FHIP1A: variants seen among roughly 807,000 people sequenced by gnomAD.
The protein encoded by FHIP1A is FHF complex subunit HOOK interacting protein 1A, also known as FHF complex subunit HOOK-interacting protein 1A.
In FHIP1A, 61 loss-of-function variants were observed where a neutral mutation model predicts 88.6. The ratio of observed to expected loss-of-function variants is 0.69; its 90% CI spans 0.56 to 0.85. The LOEUF is 0.85. Ranked by LOEUF, FHIP1A falls within the 40% of genes least tolerant of loss-of-function variation. The pLI is 0.00. For missense variants in FHIP1A, 1,154 were observed against 1,273.5 expected (o/e 0.91, Z 1.43); for synonymous variants, 478 against 496.0 (o/e 0.96, Z 0.48).
chr4:151,660,194 C>T (rs962473216), intron 13 of FHIP1A, among the ~76,000 whole-genome samples: 2 of 152,188 alleles, frequency 1.3e-5, no homozygotes, highest in South Asian at 2.1e-4. Flanking sequence ...GAGGGGAGCC[C>T]GGGTCAATGT....
chr4:151,413,132 G>T (rs761828566), intron 1 of FHIP1A, among the ~76,000 whole-genome samples: 1 of 152,230 alleles, frequency 6.6e-6, no homozygotes, highest in African/African-American at 2.4e-5. Context: ...CAGTATAGCT[G>T]TGCAATAAAA....
intron 1 of FHIP1A, among the ~76,000 whole-genome samples, chr4:151,449,931 A>T (rs977095330): frequency 2.6e-5 from 4 of 152,076 alleles, no homozygotes; most frequent in South Asian, 2.1e-4. Flanking sequence ...ATAGATTTGC[A>T]TGTTCCTTTT....
intron 3 of FHIP1A, among the ~76,000 whole-genome samples, chr4:151,497,684 G>A (rs1702689151): frequency 6.6e-6 from 1 of 152,298 alleles, no homozygotes; most frequent in South Asian, 2.1e-4. Context: ...AGAAGCCAGA[G>A]ATGCTGCTGA....
chr4:151,428,202 A>T (rs1247376034), intron 1 of FHIP1A, among the ~76,000 whole-genome samples: 1 of 152,160 alleles, frequency 6.6e-6, no homozygotes, highest in African/African-American at 2.4e-5. Context: ...ATAAAATGAG[A>T]TACATCTTGA....
intron 7 of FHIP1A, among the ~76,000 whole-genome samples, chr4:151,611,593 C>T (rs1249906239): frequency 1.3e-5 from 2 of 152,214 alleles, no homozygotes; most frequent in East Asian, 3.8e-4. Context: ...AACTTTCTGA[C>T]TAAGCATGTG....
At chr4:151,519,091 G>T (rs1394716113) in intron 3 of FHIP1A, among the ~76,000 whole-genome samples, 1 of 152,028 alleles carries the variant, frequency 6.6e-6, no homozygotes, top group Non-Finnish European at 1.5e-5. Flanking sequence ...TACAAAATTT[G>T]TACTCAAATG....
chr4:151,630,865 G>A (rs1417970303), intron 8 of FHIP1A, among the ~76,000 whole-genome samples: 4 of 152,154 alleles, frequency 2.6e-5, no homozygotes, highest in East Asian at 1.9e-4. Context: ...AGAAATTTGG[G>A]AAATTCACAA....
In FHIP1A at chr4:151,530,295, A is replaced by G. The variant is rs182128298; in HGVS notation, c.-122-35843A>G. ...GGTTGTTTTCCTCCTTTAGGGTTTTATGGTTGCCCTCAAGCACATGGAGGC... is the reference window on the plus strand; with the variant it reads ...GGTTGTTTTCCTCCTTTAGGGTTTTGTGGTTGCCCTCAAGCACATGGAGGC... On this transcript the variant is annotated intron_variant, in intron 3 of 13. Coordinates refer to ENST00000435205, the MANE Select transcript of FHIP1A (RefSeq NM_001109977.3). Among the ~76,000 whole-genome samples the G allele has an allele frequency of 2.5e-4, 38 of 152,076 alleles. No homozygotes were observed. The East Asian group carries it at 7.0e-3, about 28-fold the overall frequency.
chr4:151,622,654 A>G (rs1735791526), intron 7 of FHIP1A, among the ~76,000 whole-genome samples: 2 of 152,038 alleles, frequency 1.3e-5, no homozygotes. Context: ...CTGGTCAGTG[A>G]TGTTGTTTTT....
chr4:151,471,359 G>A, intron 2 of FHIP1A, among the ~76,000 whole-genome samples: 1 of 146,032 alleles, frequency 6.8e-6, no homozygotes, highest in Non-Finnish European at 1.5e-5. Context: ...CACCAAAACA[G>A]CACTCTGAAT....
At chr4:151,552,246 A>G (rs537630755) in intron 3 of FHIP1A, among the ~76,000 whole-genome samples, 33 of 152,338 alleles carry the variant, frequency 2.2e-4, no homozygotes, top group South Asian at 6.2e-4. Flanking sequence ...AACTAGTTCA[A>G]CCATTGTGGA....
chr4:151,466,692 C>G (rs1729325935), intron 2 of FHIP1A, among the ~76,000 whole-genome samples: 1 of 152,178 alleles, frequency 6.6e-6, no homozygotes, highest in African/African-American at 2.4e-5. Flanking sequence ...CTACAACAAT[C>G]TGATCTTTGA....
chr4:151,409,753 T>C (rs1258565666), intron 1 of FHIP1A, among the ~76,000 whole-genome samples: 4 of 151,976 alleles, frequency 2.6e-5, no homozygotes, highest in Admixed American at 2.6e-4. Context: ...AGAGCCAGCT[T>C]GTTTTGACGA....
chr4:151,409,897 G>T (rs189705288), intron 1 of FHIP1A, among the ~76,000 whole-genome samples: 1 of 152,294 alleles, frequency 6.6e-6, no homozygotes, highest in African/African-American at 2.4e-5. Context: ...GACAGAGGCG[G>T]TGCCCCTCTG....
At chr4:151,463,240 G>A (rs187749825) in intron 2 of FHIP1A, among the ~76,000 whole-genome samples, 113 of 152,324 alleles carry the variant, frequency 7.4e-4, no homozygotes, top group Admixed American at 7.3e-3. Context: ...GTTGGAACTG[G>A]ATTGCAAGTC....
intron 13 of FHIP1A, 139 bp downstream of exon 13, chr4:151,657,037 G>A (rs1737271501): frequency 1.1e-6 from 1 of 885,388 alleles, no homozygotes; most frequent in South Asian, 2.0e-5. Flanking sequence ...ATGCAACAGG[G>A]AGGAACCACC....
At chr4:151,621,779 G>A (rs1277665199) in intron 7 of FHIP1A, among the ~76,000 whole-genome samples, 1 of 151,624 alleles carries the variant, frequency 6.6e-6, no homozygotes. Flanking sequence ...ATAGGGAGAA[G>A]CCTGAGGAAG....
At chr4:151,475,050 AGTTAG>A (rs1729650456) in intron 2 of FHIP1A, among the ~76,000 whole-genome samples, 1 of 152,218 alleles carries the variant, frequency 6.6e-6, no homozygotes. Context: ...AGGAATTGAA[AGTTAG>A]ACGTAGGTTT....
chr4:151,467,296 A>G (rs1729352954), intron 2 of FHIP1A, among the ~76,000 whole-genome samples: 1 of 152,220 alleles, frequency 6.6e-6, no homozygotes, highest in African/African-American at 2.4e-5. Context: ...GCCAGTCAGA[A>G]TGGTGATTAT....
Sources: gnomAD v4.1 joint callset for allele counts (sites outside exome capture counted in the v4.1 genomes callset) on GRCh38, gnomAD v4.1.1 for gene constraint, MANE v1.5 for transcripts, NCBI Gene and HGNC (gene_info 2026-07-23, HGNC 2026-07-21) for gene names.